Variants in ZNF283 observed in about 807,000 individuals in gnomAD.
The protein encoded by ZNF283 is zinc finger protein 283.
A neutral mutation model predicts 9.2 loss-of-function variants in ZNF283; 10 were observed. That is an observed-to-expected ratio of 1.09 (90% confidence interval 0.67 to 1.85). The LOEUF (loss-of-function observed/expected upper bound fraction) is 1.85, where lower values mean the gene tolerates loss of function less well. ZNF283 is among the 40% of genes most tolerant of loss of function. The pLI, the probability that ZNF283 is intolerant of heterozygous loss-of-function variation, is 0.00. For synonymous variants in ZNF283, 234 were observed against 244.1 expected, an observed-to-expected ratio of 0.96 and a Z score of 0.38; for missense variants, 631 against 760.1, an observed-to-expected ratio of 0.83 and a Z score of 2.00.
In ZNF283 at chr19:43,848,419, G is replaced by A; in HGVS notation, c.1818G>A (p.Lys606=). 1 of 1,614,018 alleles carries A rather than the reference G, an allele frequency of 6.2e-7. No individual in the cohort carries two copies. The highest frequency in any genetic ancestry group is 8.5e-7 in the Non-Finnish European group (1 of 1,179,924). The change falls in exon 7 of 7, where the codon AAG becomes AAA. Residue 606 remains lysine, a synonymous_variant. Coordinates refer to ENST00000618787, the MANE Select transcript of ZNF283 (RefSeq NM_181845.2). ...CTTATGAATGTAAAGACTGTGGGAA[G>A]GCCTTTGGTAGTGGCTATCAACTTA... ...EKSYECKDCG[K]AFGSGYQLSV...
intron 6 of ZNF283, chr19:43,837,381 T>C (rs1168851088): frequency 2.2e-6 from 1 of 452,562 alleles, no homozygotes; most frequent in Non-Finnish European, 3.8e-6. Context: ...CTTTACACCA[T>C]TCTCGGGCCC....
chr19:43,827,594 G>C (rs1970532895), intron 1 of ZNF283, 150 bp downstream of exon 1: 1 of 152,308 alleles, frequency 6.6e-6, no homozygotes, highest in Non-Finnish European at 1.5e-5. Flanking sequence ...CGGACAGAGC[G>C]TGTCGTGTCC....
At chr19:43,835,438 T>C (rs1012454077) in intron 4 of ZNF283, 67 bp from the exon 5 acceptor site, 1 of 1,003,788 alleles carries the variant, frequency 1.0e-6, no homozygotes, top group Non-Finnish European at 1.6e-6. Context: ...TAAGATCTTC[T>C]ATTAGTGTAA....
At chr19:43,833,156 CAG>C (rs908020869) in intron 3 of ZNF283, among the ~76,000 whole-genome samples, 40 of 151,420 alleles carry the variant, frequency 2.6e-4, no homozygotes, top group African/African-American at 9.2e-4. Context: ...GATGAGGAAA[CAG>C]AGGTATTGAG....
intron 3 of ZNF283, among the ~76,000 whole-genome samples, chr19:43,832,553 T>A (rs1049279219): frequency 2.0e-5 from 3 of 152,204 alleles, no homozygotes; most frequent in Non-Finnish European, 2.9e-5. Context: ...GCTCACATTG[T>A]TATTTAGGAA....
intron 6 of ZNF283, among the ~76,000 whole-genome samples, chr19:43,841,985 C>G (rs1971233522): frequency 6.6e-6 from 1 of 152,096 alleles, no homozygotes; most frequent in African/African-American, 2.4e-5. Flanking sequence ...ATTTATCATG[C>G]TTCACTTTCC....
intron 5 of ZNF283, among the ~76,000 whole-genome samples, chr19:43,836,619 G>A (rs572528194): frequency 2.0e-5 from 3 of 152,308 alleles, no homozygotes; most frequent in Admixed American, 1.3e-4. Flanking sequence ...TGGGATTACG[G>A]GCATGAACCA....
At chr19:43,836,607 C>T (rs1275385716) in intron 5 of ZNF283, among the ~76,000 whole-genome samples, 1 of 152,146 alleles carries the variant, frequency 6.6e-6, no homozygotes, top group Non-Finnish European at 1.5e-5. Flanking sequence ...TCCCAAAGTG[C>T]TTGGGATTAC....
At position 43,843,487 on chromosome 19, in the gene ZNF283, A is replaced by G. The variant is rs184648765; in HGVS notation, c.338-3452A>G. Reference sequence around the variant, plus strand: ...TGAGCCTGTCACTTCAAAAATAACTAATATTTGTTGCCAATGATATAATTC... The same window carrying G: ...TGAGCCTGTCACTTCAAAAATAACTGATATTTGTTGCCAATGATATAATTC... On this transcript the variant is annotated intron_variant, in intron 6 of 6. Transcript: ENST00000618787. 5.3e-5 allele frequency among the ~76,000 whole-genome samples: 8 copies of G among 152,342 alleles called. 1 individual carries two copies. The highest frequency in any genetic ancestry group is 3.9e-4 in the Admixed American group (6 of 15,306).
rs1259322757 is a variant in ZNF283, at chr19:43,847,166, A to C, written c.565A>C (p.Arg189=). Reference sequence around the variant, plus strand: ...CAGCTATGAAAAAATACCTTCTTACAGAAAAAGTAAATCTCTTACTCCACA... The same window carrying C: ...CAGCTATGAAAAAATACCTTCTTACCGAAAAAGTAAATCTCTTACTCCACA... ...IISYEKIPSY[R]KSKSLTPHQR... is the part of the protein sequence containing the mutation. Residue 189 remains arginine (R), a synonymous_variant, in exon 7 of 7, where the codon AGA becomes CGA. Coordinates refer to ENST00000618787, the MANE Select transcript of ZNF283 (RefSeq NM_181845.2). 1 of 1,613,664 alleles carries C rather than the reference A, an allele frequency of 6.2e-7. No homozygotes were observed. The highest frequency in any genetic ancestry group is 1.1e-5 in the South Asian group (1 of 91,062).
chr19:43,835,497 C>T lies in ZNF283; in HGVS notation c.123-8C>T. 3.1e-6 allele frequency: 5 copies of T among 1,603,750 alleles called. No homozygotes were observed. Among genetic ancestry groups the T allele is most frequent in the Non-Finnish European group, 3.4e-6 (4 of 1,173,508 alleles). Reference sequence around the variant, plus strand: ...CACCTGGTTTAACGCTTCGTTTTCCCTCCCCAGTTCTGGCTTTTCTGGATT... The same window carrying T: ...CACCTGGTTTAACGCTTCGTTTTCCTTCCCCAGTTCTGGCTTTTCTGGATT... On this transcript the variant is annotated splice_polypyrimidine_tract_variant and splice_region_variant and intron_variant, in intron 4 of 6. Transcript: ENST00000618787.
At position 43,846,974 on chromosome 19, in the gene ZNF283, T is replaced by C; in HGVS notation, c.373T>C (p.Phe125Leu). Residue 125 changes from phenylalanine to leucine, a missense_variant, in exon 7 of 7, where the codon TTT becomes CTT. By Grantham distance (22) the Phe-to-Leu change is conservative (BLOSUM62 0). This residue lies in a region of ZNF283 where 184 missense variants were observed against 220.0 expected (regional missense o/e 0.84). Coordinates refer to ENST00000618787, the MANE Select transcript of ZNF283 (RefSeq NM_181845.2). ...ESKTYETKKI[F>L]SENDIFEINF... ...AAAAACGTATGAGACCAAAAAAATA[T>C]TTTCAGAAAATGATATTTTTGAAAT... is the stretch of plus-strand genomic sequence containing the variant. 2 of 1,581,082 alleles carry C rather than the reference T, an allele frequency of 1.3e-6. No homozygotes were observed. The highest frequency in any genetic ancestry group is 1.8e-5 in the Admixed American group (1 of 54,198).
Sources: allele counts gnomAD v4.1 joint callset (sites outside exome capture counted in the v4.1 genomes callset), GRCh38; gene constraint gnomAD v4.1.1; regional missense constraint gnomAD v4.1.1; transcripts MANE v1.5; gene names NCBI Gene and HGNC (gene_info 2026-07-23, HGNC 2026-07-21).